NEBL: variants seen among roughly 807,000 people sequenced by gnomAD.
The protein encoded by NEBL is nebulette.
In NEBL, 122 loss-of-function variants were observed where a neutral mutation model predicts 140.2. That is an observed-to-expected ratio of 0.87 (90% CI 0.75 to 1.01). The LOEUF (loss-of-function observed/expected upper bound fraction) is 1.01, where lower values mean the gene tolerates loss of function less well. Among genes scored for constraint, NEBL ranks in the 50% least tolerant of loss-of-function variants. NEBL has a pLI of 0.00. For synonymous variants in NEBL, 436 were observed against 398.9 expected, an observed-to-expected ratio of 1.09 and a Z score of -1.11; for missense variants, 1,365 against 1,231.3, an observed-to-expected ratio of 1.11 and a Z score of -1.62.
chr10:21,200,980 C>T (rs550116360), intron 3 of NEBL, among the ~76,000 whole-genome samples: 2 of 152,038 alleles, frequency 1.3e-5, no homozygotes, highest in Admixed American at 1.3e-4. Flanking sequence ...GTTCCAGCTA[C>T]TCAGGAGGGA....
chr10:20,971,859 T>A (rs1033446753), intron 3 of NEBL, among the ~76,000 whole-genome samples: 5 of 152,162 alleles, frequency 3.3e-5, no homozygotes, highest in African/African-American at 9.6e-5. Context: ...GTGATCCGCC[T>A]GCCTCGGCCT....
intron 6 of NEBL, 127 bp downstream of exon 6, chr10:20,869,613 T>C (rs1279347304): frequency 2.8e-6 from 2 of 715,474 alleles, no homozygotes; most frequent in African/African-American, 1.8e-5. Context: ...GGGGGGGAAA[T>C]TGAGATGTAT....
chr10:21,085,600 A>G (rs753003300), intron 2 of NEBL, among the ~76,000 whole-genome samples: 13 of 152,180 alleles, frequency 8.5e-5, no homozygotes, highest in Non-Finnish European at 1.6e-4. Flanking sequence ...ATGCCACTGT[A>G]CTCCAGCCTC....
At chr10:20,793,561 T>C (rs1836214749) in intron 26 of NEBL, among the ~76,000 whole-genome samples, 1 of 151,442 alleles carries the variant, frequency 6.6e-6, no homozygotes, top group East Asian at 1.9e-4. Context: ...TCTTTTCTTT[T>C]TTTTTTTTTT....
intron 2 of NEBL, among the ~76,000 whole-genome samples, chr10:21,060,464 T>C (rs1204428545): frequency 3.9e-5 from 6 of 152,200 alleles, no homozygotes; most frequent in Non-Finnish European, 2.9e-5. Flanking sequence ...TAAACCAGCC[T>C]TATTCTGCAC....
chr10:20,803,451 C>T (rs1837313844), intron 26 of NEBL, among the ~76,000 whole-genome samples: 1 of 152,002 alleles, frequency 6.6e-6, no homozygotes, highest in South Asian at 2.1e-4. Flanking sequence ...AGCAGTGGTA[C>T]TCAGAAGATG....
intron 2 of NEBL, among the ~76,000 whole-genome samples, chr10:21,155,762 G>A (rs1003224274): frequency 2.0e-5 from 3 of 152,140 alleles, no homozygotes; most frequent in African/African-American, 4.8e-5. Flanking sequence ...AAACTGACTG[G>A]GCAAGGGAGG....
Position 20,835,528 on chromosome 10 carries a change from T to C in NEBL, c.1434A>G (p.Ala478=), listed in dbSNP as rs2130934253. 2 of 1,611,536 alleles carry C rather than the reference T, an allele frequency of 1.2e-6. No homozygotes were observed. The highest frequency in any genetic ancestry group is 1.7e-6 in the Non-Finnish European group (2 of 1,179,072). ...CCCTACTAACCTCACTCGCTATCTC[T>C]GCAGCCTTCTTGGCATGCTGCATTT... is the stretch of plus-strand genomic sequence containing the variant. ...TLEMQHAKKA[A]EIASEKDYKR... is the part of the protein sequence containing the mutation. The change falls in exon 14 of 28, where the codon GCA becomes GCG. Residue 478 remains alanine, a synonymous_variant. Coordinates refer to ENST00000377122, the MANE Select transcript of NEBL (RefSeq NM_006393.3).
intron 3 of NEBL, among the ~76,000 whole-genome samples, chr10:21,240,548 CAGG>C (rs1564548297): frequency 6.6e-6 from 1 of 151,846 alleles, no homozygotes; most frequent in Non-Finnish European, 1.5e-5. Flanking sequence ...GAGGCTGGGG[CAGG>C]AGAATTGCTT....
intron 2 of NEBL, among the ~76,000 whole-genome samples, chr10:21,248,615 C>G (rs921198304): frequency 2.0e-5 from 3 of 152,140 alleles, no homozygotes; most frequent in African/African-American, 4.8e-5. Context: ...GTGAATAATG[C>G]TGCTATGAAC....
At position 20,805,911 on chromosome 10, in the gene NEBL, G is replaced by A. The variant is rs76850921; in HGVS notation, c.2761+2599C>T. Among the ~76,000 whole-genome samples the A allele has an allele frequency of 3.9e-3, 591 of 151,292 alleles. 5 individuals are homozygous for A. Among genetic ancestry groups the A allele is most frequent in the African/African-American group, 0.014 (570 of 41,242 alleles). ...GCATTATTTGAGTCACTGAGTCATCGCTGCTGTCCAAAATCTCCCTCCATC... is the reference window on the plus strand; with the variant it reads ...GCATTATTTGAGTCACTGAGTCATCACTGCTGTCCAAAATCTCCCTCCATC... On this transcript the variant is annotated intron_variant, in intron 26 of 27. Coordinates refer to ENST00000377122, the MANE Select transcript of NEBL (RefSeq NM_006393.3).
chr10:21,068,915 T>G (rs1372094485), intron 2 of NEBL, among the ~76,000 whole-genome samples: 1 of 152,194 alleles, frequency 6.6e-6, no homozygotes, highest in East Asian at 1.9e-4. Flanking sequence ...AGACTGATTC[T>G]CACTCTGTCA....
chr10:21,038,902 T>C (rs1834129083), intron 2 of NEBL, among the ~76,000 whole-genome samples: 1 of 152,168 alleles, frequency 6.6e-6, no homozygotes, highest in South Asian at 2.1e-4. Context: ...ATGATCACCA[T>C]TCAAACTGGC....
chr10:20,852,053 TA>T (rs1325152274), intron 10 of NEBL, among the ~76,000 whole-genome samples: 6 of 151,928 alleles, frequency 3.9e-5, no homozygotes, highest in Admixed American at 1.3e-4. Context: ...AGAGAGAAGA[TA>T]TTTTTTAAGT....
chr10:20,913,351 A>G (rs1848409929), intron 4 of NEBL, among the ~76,000 whole-genome samples: 1 of 152,214 alleles, frequency 6.6e-6, no homozygotes, highest in South Asian at 2.1e-4. Flanking sequence ...CACTCCTGAA[A>G]CAAGGTCTCC....
chr10:21,070,406 T>C (rs992291346), intron 2 of NEBL, among the ~76,000 whole-genome samples: 1 of 152,206 alleles, frequency 6.6e-6, no homozygotes, highest in Non-Finnish European at 1.5e-5. Flanking sequence ...AGCACCAAAA[T>C]ATATACTACC....
At chr10:21,146,625 A>G in intron 2 of NEBL, 1 of 697,886 alleles carries the variant, frequency 1.4e-6, no homozygotes, top group Non-Finnish European at 2.4e-6. Context: ...TAACAAACAC[A>G]TTTGAAATAG....
intron 4 of NEBL, among the ~76,000 whole-genome samples, chr10:20,937,631 C>A (rs1834568068): frequency 6.6e-6 from 1 of 152,164 alleles, no homozygotes; most frequent in Non-Finnish European, 1.5e-5. Context: ...TGAGCTGAAG[C>A]AGGGTGAGGC....
At chr10:20,901,308 G>A (rs1451184541), upstream of NEBL, among the ~76,000 whole-genome samples, 1 of 152,072 alleles carries the variant, frequency 6.6e-6, no homozygotes, top group Non-Finnish European at 1.5e-5. Flanking sequence ...ACTGTCAGGT[G>A]GGTAATTCAA....
Sources: gnomAD v4.1 joint callset for allele counts (sites outside exome capture counted in the v4.1 genomes callset) on GRCh38, gnomAD v4.1.1 for gene constraint, MANE v1.5 for transcripts, NCBI Gene and HGNC (gene_info 2026-07-23, HGNC 2026-07-21) for gene names.